Variants in SEMA3A observed in about 807,000 individuals in gnomAD.
The protein encoded by SEMA3A is semaphorin-3A.
In SEMA3A, 29 loss-of-function variants were observed where a neutral mutation model predicts 97.9. The observed-to-expected ratio is 0.30, with a 90% CI of 0.22 to 0.40. The LOEUF (loss-of-function observed/expected upper bound fraction) is 0.40, where lower values mean the gene tolerates loss of function less well. Ranked by LOEUF, SEMA3A falls within the 10% of genes least tolerant of loss-of-function variation. SEMA3A has a pLI of 1.00. For synonymous variants in SEMA3A, 321 were observed against 323.7 expected (o/e 0.99, Z 0.09); for missense variants, 763 against 951.3 (o/e 0.80, Z 2.60).
chr7:84,313,129 T>C (rs1359580488), intron 2 of SEMA3A, among the ~76,000 whole-genome samples: 1 of 144,576 alleles, frequency 6.9e-6, no homozygotes, highest in Non-Finnish European at 1.5e-5. Flanking sequence ...AACTGCAACT[T>C]ACACTGGTCA....
chr7:84,368,072 T>C (rs567438163), intron 2 of SEMA3A, among the ~76,000 whole-genome samples: 18 of 151,348 alleles, frequency 1.2e-4, no homozygotes, highest in African/African-American at 4.3e-4. Flanking sequence ...TGTAATGTTA[T>C]AGGTGCTATA....
rs550921508 is a variant in SEMA3A at position 84,151,303 on chromosome 7, G to A, written c.113-16352C>T. ...GATCAAATTACTCTGAGCTACGGGA[G>A]GACATTCAAACCAAAGGCAAAGAAA... On this transcript the variant is annotated intron_variant, in intron 1 of 16. Coordinates refer to ENST00000265362, the MANE Select transcript of SEMA3A (RefSeq NM_006080.3). Among the ~76,000 whole-genome samples the A allele has an allele frequency of 6.6e-3, 1,003 of 151,436 alleles. 11 individuals are homozygous for A. The highest frequency in any genetic ancestry group is 0.023 in the African/African-American group (947 of 41,430).
chr7:84,390,489 T>A (rs1209182697), intron 1 of SEMA3A, among the ~76,000 whole-genome samples: 1 of 151,944 alleles, frequency 6.6e-6, no homozygotes, highest in Non-Finnish European at 1.5e-5. Flanking sequence ...ATCTAGATTT[T>A]CTTTTGTTTT....
chr7:84,374,163 T>C (rs1267121652), intron 1 of SEMA3A, among the ~76,000 whole-genome samples: 3 of 152,164 alleles, frequency 2.0e-5, no homozygotes, highest in Admixed American at 2.0e-4. Flanking sequence ...TGCATGTCAA[T>C]GAGAACAAAA....
intron 1 of SEMA3A, among the ~76,000 whole-genome samples, chr7:84,454,115 A>G (rs140513667): frequency 6.6e-6 from 1 of 152,350 alleles, no homozygotes; most frequent in African/African-American, 2.4e-5. Context: ...GCATATATTC[A>G]AAGTGTTAAG....
At chr7:84,404,808 A>G (rs1265947876) in intron 1 of SEMA3A, among the ~76,000 whole-genome samples, 1 of 152,142 alleles carries the variant, frequency 6.6e-6, no homozygotes, top group Non-Finnish European at 1.5e-5. Context: ...TTCATAAGTG[A>G]AGGAGAAATA....
chr7:84,313,012 A>C (rs1049995430), intron 2 of SEMA3A, among the ~76,000 whole-genome samples: 1 of 142,216 alleles, frequency 7.0e-6, no homozygotes, highest in East Asian at 2.0e-4. Flanking sequence ...GTGTATGTAT[A>C]TTATATATGT....
In SEMA3A at chr7:84,165,292, C is replaced by G. The variant is rs536397615; in HGVS notation, c.112+29183G>C. On this transcript the variant is annotated intron_variant, in intron 1 of 16. Coordinates refer to ENST00000265362, the MANE Select transcript of SEMA3A (RefSeq NM_006080.3). ...TCAAGAAATGCTGCTCTTCTCTCAT[C>G]CTCTCTTAAAAGTAGACTAATATTT... 1.1e-4 allele frequency among the ~76,000 whole-genome samples: 16 copies of G among 152,226 alleles called. No individual in the cohort carries two copies. In the East Asian group the frequency reaches 2.9e-3, roughly 28 times the overall value.
chr7:84,109,725 C>A (rs140393439), intron 4 of SEMA3A, among the ~76,000 whole-genome samples: 18 of 152,270 alleles, frequency 1.2e-4, no homozygotes, highest in Admixed American at 1.1e-3. Flanking sequence ...AATTCTGTCA[C>A]CAATGATTTT....
intron 2 of SEMA3A, among the ~76,000 whole-genome samples, chr7:84,348,469 T>C (rs1326444113): frequency 6.6e-6 from 1 of 152,188 alleles, no homozygotes; most frequent in East Asian, 1.9e-4. Flanking sequence ...AAATTTATAA[T>C]TATCTTTTTC....
At chr7:84,127,417 T>A (rs1584005323) in intron 3 of SEMA3A, among the ~76,000 whole-genome samples, 1 of 152,122 alleles carries the variant, frequency 6.6e-6, no homozygotes, top group Admixed American at 6.6e-5. Flanking sequence ...TTCTTAGCTA[T>A]AAATTTCCAC....
At chr7:84,170,719 G>A (rs1584076142) in intron 1 of SEMA3A, among the ~76,000 whole-genome samples, 1 of 151,940 alleles carries the variant, frequency 6.6e-6, no homozygotes, top group South Asian at 2.1e-4. Context: ...TATTGGATGT[G>A]TACAATTGAT....
chr7:84,100,947 T>G (rs1794943695), intron 4 of SEMA3A, among the ~76,000 whole-genome samples: 1 of 152,206 alleles, frequency 6.6e-6, no homozygotes, highest in Admixed American at 6.5e-5. Context: ...CTGTTCTCAT[T>G]ACCTCATGCT....
At chr7:84,441,498 T>A (rs374508229) in intron 1 of SEMA3A, among the ~76,000 whole-genome samples, 34 of 151,924 alleles carry the variant, frequency 2.2e-4, no homozygotes, top group African/African-American at 7.7e-4. Flanking sequence ...AATTTTTTGG[T>A]ATAAGGTGCT....
intron 3 of SEMA3A, among the ~76,000 whole-genome samples, chr7:84,303,738 T>C (rs1801083620): frequency 6.6e-6 from 1 of 152,178 alleles, no homozygotes; most frequent in Non-Finnish European, 1.5e-5. Context: ...TTACATGAGA[T>C]ATTCAACATT....
chr7:84,355,413 G>A (rs1436461578), intron 2 of SEMA3A, among the ~76,000 whole-genome samples: 1 of 151,686 alleles, frequency 6.6e-6, no homozygotes, highest in East Asian at 1.9e-4. Flanking sequence ...CAGTTATGTA[G>A]GAAAAATTCA....
chr7:83,969,458 T>C (rs1286771180), intron 15 of SEMA3A, among the ~76,000 whole-genome samples: 1 of 152,212 alleles, frequency 6.6e-6, no homozygotes, highest in African/African-American at 2.4e-5. Context: ...ACACTGTGTA[T>C]TCATAATCCT....
chr7:84,321,337 A>AT (rs2115909096), intron 2 of SEMA3A, among the ~76,000 whole-genome samples: 1 of 152,336 alleles, frequency 6.6e-6, no homozygotes, highest in South Asian at 2.1e-4. Flanking sequence ...AAAATGAACT[A>AT]TAATTATCAC....
At chr7:84,126,395 G>A (rs1445253600) in intron 3 of SEMA3A, among the ~76,000 whole-genome samples, 3 of 151,938 alleles carry the variant, frequency 2.0e-5, no homozygotes, top group African/African-American at 7.3e-5. Context: ...TAGTAAAGAT[G>A]GGGCTTCACC....
Sources: allele counts gnomAD v4.1 joint callset (sites outside exome capture counted in the v4.1 genomes callset), GRCh38; gene constraint gnomAD v4.1.1; transcripts MANE v1.5; gene names NCBI Gene and HGNC (gene_info 2026-07-23, HGNC 2026-07-21).